WWOX: variants seen among roughly 807,000 people sequenced by gnomAD.
WWOX encodes WW domain-containing oxidoreductase.
In WWOX, 69 loss-of-function variants were observed where a neutral mutation model predicts 46.2. That is an observed-to-expected ratio of 1.49 (90% CI 1.23 to 1.82). The LOEUF (loss-of-function observed/expected upper bound fraction) is 1.82, where lower values mean the gene tolerates loss of function less well. Among genes scored for constraint, WWOX ranks in the 40% most tolerant of loss-of-function variants. The probability of loss-of-function intolerance (pLI) is 0.00; values close to 1 mark genes in which losing one functional copy is unlikely to be tolerated. For missense variants in WWOX, 919 were observed against 542.6 expected, an observed-to-expected ratio of 1.69 and a Z score of -6.89; for synonymous variants, 359 against 202.6, an observed-to-expected ratio of 1.77 and a Z score of -6.56.
At chr16:78,973,382 G>T (rs1389214525) in intron 8 of WWOX, among the ~76,000 whole-genome samples, 2 of 152,120 alleles carry the variant, frequency 1.3e-5, no homozygotes, top group East Asian at 3.9e-4. Flanking sequence ...GTTCTAGAAC[G>T]ATCTCCACTT....
chr16:78,107,414 C>G (rs2032217369), intron 1 of WWOX, among the ~76,000 whole-genome samples: 1 of 152,180 alleles, frequency 6.6e-6, no homozygotes. Context: ...GCTTACATTT[C>G]TCAGAGCTTT....
chr16:79,065,507 G>T (rs931915413), intron 8 of WWOX, among the ~76,000 whole-genome samples: 1 of 152,136 alleles, frequency 6.6e-6, no homozygotes, highest in Non-Finnish European at 1.5e-5. Context: ...CCAGGCCTAG[G>T]TGGGGTCAGT....
At chr16:79,153,677 C>A (rs1317842341) in intron 8 of WWOX, among the ~76,000 whole-genome samples, 1 of 152,118 alleles carries the variant, frequency 6.6e-6, no homozygotes, top group Non-Finnish European at 1.5e-5. Flanking sequence ...GCCTTAATCT[C>A]ATTGTACATA....
At chr16:78,598,227 A>G (rs1287711513) in intron 8 of WWOX, among the ~76,000 whole-genome samples, 2 of 152,176 alleles carry the variant, frequency 1.3e-5, no homozygotes, top group African/African-American at 4.8e-5. Context: ...AGAAACAGAA[A>G]ATATTTCACT....
chr16:78,384,849 C>A (rs1597140337), intron 5 of WWOX, among the ~76,000 whole-genome samples: 2 of 152,090 alleles, frequency 1.3e-5, no homozygotes, highest in Admixed American at 6.5e-5. Flanking sequence ...TAAAACTAGG[C>A]TTTGTGCCAG....
intron 8 of WWOX, among the ~76,000 whole-genome samples, chr16:78,454,876 T>C (rs898665709): frequency 2.6e-5 from 4 of 152,198 alleles, no homozygotes; most frequent in African/African-American, 9.6e-5. Context: ...CACCCACTAT[T>C]GGTTTCACCA....
At chr16:78,756,582 T>C (rs1416968257) in intron 8 of WWOX, among the ~76,000 whole-genome samples, 1 of 152,238 alleles carries the variant, frequency 6.6e-6, no homozygotes, top group Non-Finnish European at 1.5e-5. Flanking sequence ...TTTATTGATA[T>C]TCCTATGAGA....
chr16:78,416,652 CATT>C (rs1230810795), intron 6 of WWOX, among the ~76,000 whole-genome samples: 18 of 152,270 alleles, frequency 1.2e-4, no homozygotes, highest in Non-Finnish European at 2.2e-4. Flanking sequence ...CTAGAAGAGA[CATT>C]GTTGTTATTG....
At chr16:78,929,254 A>ATT (rs58425003) in intron 8 of WWOX, among the ~76,000 whole-genome samples, 23 of 149,790 alleles carry the variant, frequency 1.5e-4, no homozygotes, top group South Asian at 4.2e-4. Context: ...TCATACAGTG[A>ATT]TTTTTTTTTT....
At chr16:78,712,556 G>T (rs1161320447) in intron 8 of WWOX, among the ~76,000 whole-genome samples, 1 of 151,858 alleles carries the variant, frequency 6.6e-6, no homozygotes, top group African/African-American at 2.4e-5. Flanking sequence ...CATAGTACCA[G>T]ATGGATTGTG....
rs550885891 is a variant in WWOX at position 78,397,501 on chromosome 16, G to C, written c.605+10553G>C. 1.3e-4 allele frequency among the ~76,000 whole-genome samples: 20 copies of C among 152,286 alleles called. No homozygotes were observed. The East Asian group carries it at 3.1e-3, about 24-fold the overall frequency. On this transcript the variant is annotated intron_variant, in intron 6 of 8. Transcript: ENST00000566780. ...AACCTCAACCAAGTTCATGCTAGCT[G>C]GTACGCAGTAAGGCTAGAACTTCGT...
intron 4 of WWOX, among the ~76,000 whole-genome samples, chr16:78,115,770 C>A (rs759936060): frequency 6.6e-6 from 1 of 152,136 alleles, no homozygotes; most frequent in Non-Finnish European, 1.5e-5. Context: ...CAAACCATAA[C>A]TCTTCATAGG....
chr16:79,147,073 A>G (rs1416185550), intron 8 of WWOX, among the ~76,000 whole-genome samples: 1 of 152,212 alleles, frequency 6.6e-6, no homozygotes, highest in Non-Finnish European at 1.5e-5. Context: ...GATCTTATTC[A>G]GATTTCTCAT....
Position 79,149,730 on chromosome 16 carries a change from G to A in WWOX, c.1057-61878G>A, listed in dbSNP as rs575448422. Among the ~76,000 whole-genome samples the A allele has an allele frequency of 1.5e-4, 23 of 152,288 alleles. No individual in the cohort carries two copies. The South Asian group carries it at 1.9e-3, about 12-fold the overall frequency. On this transcript the variant is annotated intron_variant, in intron 8 of 8. Transcript: ENST00000566780. The stretch of plus-strand genomic sequence containing the variant: ...TCTGCCACAGACTACATTTAGGACC[G>A]CAGCCAGTGGGTTACAGCAGGAGAC...
intron 8 of WWOX, among the ~76,000 whole-genome samples, chr16:78,938,913 A>G (rs1017109590): frequency 1.1e-4 from 16 of 152,186 alleles, no homozygotes; most frequent in African/African-American, 2.4e-4. Context: ...TGGGAGGCCC[A>G]GTCAGGGGGA....
chr16:78,751,439 TTATATATATATTTATCAGATTTTA>T (rs2049473615), intron 8 of WWOX, among the ~76,000 whole-genome samples: 1 of 135,920 alleles, frequency 7.4e-6, no homozygotes, highest in African/African-American at 2.8e-5. Flanking sequence ...ATTTATCAGA[TTATATATATATTTATCAGATTTTA>T]TATATATATA....
At chr16:79,066,039 G>C (rs1014642134) in intron 8 of WWOX, among the ~76,000 whole-genome samples, 4 of 152,182 alleles carry the variant, frequency 2.6e-5, no homozygotes, top group African/African-American at 7.2e-5. Context: ...TGTTCATCAT[G>C]ATCTGTGGAG....
intron 8 of WWOX, among the ~76,000 whole-genome samples, chr16:78,915,307 G>T (rs2045222053): frequency 6.6e-6 from 1 of 152,166 alleles, no homozygotes; most frequent in Admixed American, 6.5e-5. Context: ...TATCTTGGCT[G>T]GTCCAATTCC....
At chr16:78,923,534 A>C (rs2045427824) in intron 8 of WWOX, among the ~76,000 whole-genome samples, 1 of 152,006 alleles carries the variant, frequency 6.6e-6, no homozygotes, top group Non-Finnish European at 1.5e-5. Context: ...GAGCTTTGGA[A>C]ATTCTACATA....
Sources: allele counts gnomAD v4.1 joint callset (sites outside exome capture counted in the v4.1 genomes callset), GRCh38; gene constraint gnomAD v4.1.1; transcripts MANE v1.5; gene names NCBI Gene and HGNC (gene_info 2026-07-23, HGNC 2026-07-21).